PCDHA8: variants seen among roughly 807,000 people sequenced by gnomAD.
PCDHA8 encodes the protein protocadherin alpha-8.
PCDHA8 carries 53 observed loss-of-function variants against 61.8 expected under a neutral mutation model. That is an observed-to-expected ratio of 0.86 (90% CI 0.69 to 1.08). The LOEUF (loss-of-function observed/expected upper bound fraction) is 1.08, where lower values mean the gene tolerates loss of function less well. Among genes scored for constraint, PCDHA8 ranks in the 50% least tolerant of loss-of-function variants. The probability of loss-of-function intolerance (pLI) is 0.00; values close to 1 mark genes in which losing one functional copy is unlikely to be tolerated. For synonymous variants in PCDHA8, 618 were observed against 556.6 expected, an observed-to-expected ratio of 1.11 and a Z score of -1.55; for missense variants, 1,293 against 1,245.0, an observed-to-expected ratio of 1.04 and a Z score of -0.58.
rs781920660 is a variant in PCDHA8 at position 140,857,284 on chromosome 5, G to A, written c.2394+13569G>A. On this transcript the variant is annotated intron_variant, in intron 1 of 3. Transcript: ENST00000531613. Reference sequence around the variant, plus strand: ...ACTCATTGGTGCTGGACAGCGCTCTGGACCGCGAGAGGGTGTCGGCCTATG... The same window carrying A: ...ACTCATTGGTGCTGGACAGCGCTCTAGACCGCGAGAGGGTGTCGGCCTATG... 4 of 1,598,734 alleles carry A rather than the reference G, an allele frequency of 2.5e-6. 1 individual carries two copies. Among genetic ancestry groups the A allele is most frequent in the Non-Finnish European group, 2.6e-6 (3 of 1,168,028 alleles).
intron 3 of PCDHA8, among the ~76,000 whole-genome samples, chr5:140,990,850 T>C (rs528860965): frequency 3.3e-5 from 5 of 152,312 alleles, no homozygotes; most frequent in African/African-American, 1.2e-4. Context: ...AATAGAGCCC[T>C]GAGGACATTG....
chr5:140,914,944 C>CT (rs35695909), intron 1 of PCDHA8, among the ~76,000 whole-genome samples: 3,966 of 128,238 alleles, frequency 0.031, 97 homozygotes, highest in Middle Eastern at 0.041. Context: ...GAAAAGTTGT[C>CT]TTTTTTTTTT....
chr5:141,002,120 T>C (rs1416494483), intron 3 of PCDHA8, among the ~76,000 whole-genome samples: 1 of 152,250 alleles, frequency 6.6e-6, no homozygotes, highest in African/African-American at 2.4e-5. Context: ...CTATAATCAT[T>C]TAATAGCCTT....
chr5:140,981,504 G>A (rs1435264364), intron 2 of PCDHA8, among the ~76,000 whole-genome samples: 1 of 152,182 alleles, frequency 6.6e-6, no homozygotes, highest in African/African-American at 2.4e-5. Flanking sequence ...AACCTGGGAG[G>A]CAGAGGTTGC....
rs2150498276 is a variant in PCDHA8, at chr5:140,850,785, A to C, written c.2394+7070A>C. The C allele has an allele frequency of 0.62, 994,993 of 1,596,634 alleles. 342,814 individuals carry two copies. Among genetic ancestry groups the C allele is most frequent in the African/African-American group, 0.72 (53,321 of 73,960 alleles). Reference sequence around the variant, plus strand: ...GCAGAGGGTGTGCTCTGGCGAGGGTAAGCAGAAGACCGACCTCATGGCCTT... The same window carrying C: ...GCAGAGGGTGTGCTCTGGCGAGGGTCAGCAGAAGACCGACCTCATGGCCTT... On this transcript the variant is annotated intron_variant, in intron 1 of 3. Coordinates refer to ENST00000531613, the MANE Select transcript of PCDHA8 (RefSeq NM_018911.3).
chr5:140,940,549 A>G (rs1554213474), intron 1 of PCDHA8, among the ~76,000 whole-genome samples: 1 of 152,110 alleles, frequency 6.6e-6, no homozygotes, highest in Non-Finnish European at 1.5e-5. Context: ...CCTGGGCTCA[A>G]GTGATTCTCC....
chr5:140,967,927 C>T (rs782426020), intron 1 of PCDHA8: 3 of 1,614,228 alleles, frequency 1.9e-6, no homozygotes, highest in Non-Finnish European at 2.5e-6. Context: ...TGGCCGTTCT[C>T]AGTGTCAATG....
chr5:140,870,562 G>T (rs1554164416), intron 1 of PCDHA8: 1 of 1,613,996 alleles, frequency 6.2e-7, no homozygotes, highest in Non-Finnish European at 8.5e-7. Context: ...GCAGGAGAAC[G>T]CGCTGGTGTC....
intron 1 of PCDHA8, among the ~76,000 whole-genome samples, chr5:140,899,991 G>C (rs2067668603): frequency 6.6e-6 from 1 of 151,712 alleles, no homozygotes; most frequent in African/African-American, 2.4e-5. Context: ...GATTTTTTTT[G>C]TAGAGATGAG....
intron 1 of PCDHA8, chr5:140,929,083 A>G (rs1554206659): frequency 1.2e-6 from 2 of 1,614,156 alleles, no homozygotes; most frequent in Admixed American, 3.3e-5. Context: ...TGGAAGTAAG[A>G]TGGTTTCAAA....
intron 1 of PCDHA8, chr5:140,858,158 G>C: frequency 6.3e-7 from 1 of 1,597,732 alleles, no homozygotes; most frequent in Non-Finnish European, 8.6e-7. Flanking sequence ...CGCCATCTGC[G>C]CGGTGTCCAG....
chr5:140,979,434 A>G (rs1490433887), intron 2 of PCDHA8, among the ~76,000 whole-genome samples: 1 of 151,986 alleles, frequency 6.6e-6, no homozygotes, highest in South Asian at 2.1e-4. Context: ...CACATTGGCT[A>G]TTACATCCTA....
rs1554150747 is a variant in PCDHA8, at chr5:140,857,851, A to G, written c.2394+14136A>G. 5 of 1,597,646 alleles carry G rather than the reference A, an allele frequency of 3.1e-6. 1 individual carries two copies. Among genetic ancestry groups the G allele is most frequent in the Non-Finnish European group, 4.3e-6 (5 of 1,167,500 alleles). ...TGCGCGCAGTGGACGCTGACTCTGG[A>G]TACAACGCGTGGCTGTCGTATGAAT... On this transcript the variant is annotated intron_variant, in intron 1 of 3. Transcript: ENST00000531613.
chr5:140,883,414 T>C, intron 1 of PCDHA8: 1 of 1,614,170 alleles, frequency 6.2e-7, no homozygotes, highest in South Asian at 1.1e-5. Flanking sequence ...CTGGCTCAAA[T>C]GGACAGGTCA....
chr5:141,009,339 G>A (rs1328874922), intron 3 of PCDHA8, among the ~76,000 whole-genome samples: 13 of 152,168 alleles, frequency 8.5e-5, no homozygotes, highest in African/African-American at 3.1e-4. Context: ...TGTGCCTGTA[G>A]TTCCAGCTAC....
chr5:140,886,328 C>T (rs1554182483), intron 1 of PCDHA8, among the ~76,000 whole-genome samples: 1 of 151,922 alleles, frequency 6.6e-6, no homozygotes, highest in African/African-American at 2.4e-5. Context: ...TTCTGGGATA[C>T]ATGTGCAGAA....
chr5:140,941,239 C>CTTTCTTTCTTTCTT (rs2092937531), intron 1 of PCDHA8, among the ~76,000 whole-genome samples: 2 of 134,500 alleles, frequency 1.5e-5, no homozygotes, highest in Non-Finnish European at 1.6e-5. Context: ...TTCTTTCTTT[C>CTTTCTTTCTTTCTT]TTTCTTTCTT....
chr5:140,968,257 T>A (rs781932747), intron 1 of PCDHA8: 1 of 1,614,064 alleles, frequency 6.2e-7, no homozygotes, highest in Non-Finnish European at 8.5e-7. Flanking sequence ...CAGACCCAGA[T>A]GAAAAGGAGA....
At chr5:140,861,605 T>C in intron 1 of PCDHA8, 2 of 362,576 alleles carry the variant, frequency 5.5e-6, no homozygotes, top group Non-Finnish European at 1.1e-5. Context: ...TGAAGAACAA[T>C]AAAGACAACC....
Sources: gnomAD v4.1 joint callset for allele counts (sites outside exome capture counted in the v4.1 genomes callset) on GRCh38, gnomAD v4.1.1 for gene constraint, MANE v1.5 for transcripts, NCBI Gene and HGNC (gene_info 2026-07-23, HGNC 2026-07-21) for gene names.